Variants in TNNI3K observed in about 807,000 individuals in gnomAD.
TNNI3K encodes the protein TNNI3 interacting kinase.
In TNNI3K, 140 loss-of-function variants were observed where a neutral mutation model predicts 114.5. The ratio of observed to expected loss-of-function variants is 1.22; its 90% CI spans 1.07 to 1.41. The LOEUF (loss-of-function observed/expected upper bound fraction) is 1.41, where lower values mean the gene tolerates loss of function less well. Ranked by LOEUF, TNNI3K falls within the 40% of genes most tolerant of loss-of-function variation. TNNI3K has a pLI of 0.00. For synonymous variants in TNNI3K, 347 were observed against 347.5 expected (o/e 1.00, Z 0.02); for missense variants, 1,125 against 1,007.6 (o/e 1.12, Z -1.58).
chr1:74,302,275 G>C (rs886999121), intron 5 of TNNI3K, among the ~76,000 whole-genome samples: 9 of 152,160 alleles, frequency 5.9e-5, no homozygotes, highest in Non-Finnish European at 1.3e-4. Context: ...CCACTGACAG[G>C]CCATTTTCCC....
intron 23 of TNNI3K, among the ~76,000 whole-genome samples, chr1:74,532,623 C>A (rs1245792850): frequency 1.3e-5 from 2 of 151,780 alleles, no homozygotes; most frequent in South Asian, 4.2e-4. Flanking sequence ...TATCCCTCCC[C>A]CCTCGCCCCA....
chr1:74,278,019 T>G (rs1656785844), intron 5 of TNNI3K, among the ~76,000 whole-genome samples: 1 of 152,220 alleles, frequency 6.6e-6, no homozygotes, highest in African/African-American at 2.4e-5. Context: ...CAGTAGAGAA[T>G]TTTGTTTACC....
At chr1:74,524,012 C>T (rs918475914) in intron 23 of TNNI3K, among the ~76,000 whole-genome samples, 1 of 151,802 alleles carries the variant, frequency 6.6e-6, no homozygotes, top group Non-Finnish European at 1.5e-5. Flanking sequence ...AGCCACAATT[C>T]CAAAGGCATG....
intron 17 of TNNI3K, among the ~76,000 whole-genome samples, chr1:74,386,601 C>A (rs1663492362): frequency 6.6e-6 from 1 of 152,072 alleles, no homozygotes; most frequent in Non-Finnish European, 1.5e-5. Context: ...TAAAATCAGA[C>A]TTCTTCAAAA....
At chr1:74,512,475 T>C (rs997156556) in intron 23 of TNNI3K, 14 of 152,160 alleles carry the variant, frequency 9.2e-5, no homozygotes, top group African/African-American at 3.1e-4. Context: ...AATAAAGGTG[T>C]AAAAATCCAG....
At chr1:74,431,833 A>T (rs1408036551) in intron 17 of TNNI3K, among the ~76,000 whole-genome samples, 1 of 152,162 alleles carries the variant, frequency 6.6e-6, no homozygotes, top group Non-Finnish European at 1.5e-5. Context: ...GACGCAACAA[A>T]ATTGCAAGTT....
chr1:74,514,291 A>G (rs12036473), intron 23 of TNNI3K, among the ~76,000 whole-genome samples: 1 of 152,026 alleles, frequency 6.6e-6, no homozygotes, highest in Non-Finnish European at 1.5e-5. Flanking sequence ...AATTCTATGT[A>G]TTTGTCAGAG....
At chr1:74,338,109 C>G (rs1015754877) in intron 7 of TNNI3K, among the ~76,000 whole-genome samples, 4 of 151,860 alleles carry the variant, frequency 2.6e-5, no homozygotes, top group African/African-American at 9.7e-5. Context: ...GGTAATAATG[C>G]ATATGTTTAA....
chr1:74,475,830 C>G, intron 21 of TNNI3K: 2 of 547,640 alleles, frequency 3.7e-6, no homozygotes, highest in Non-Finnish European at 6.6e-6. Context: ...ATAGAGAGAC[C>G]ATTAAAAGAT....
intron 5 of TNNI3K, among the ~76,000 whole-genome samples, chr1:74,312,560 A>G (rs765213059): frequency 1.3e-5 from 2 of 152,240 alleles, no homozygotes; most frequent in African/African-American, 2.4e-5. Flanking sequence ...GTATATTTTT[A>G]ATCAAAATAA....
At chr1:74,285,369 T>C (rs1403390501) in intron 5 of TNNI3K, among the ~76,000 whole-genome samples, 1 of 152,194 alleles carries the variant, frequency 6.6e-6, no homozygotes, top group African/African-American at 2.4e-5. Flanking sequence ...TAAATTAAAT[T>C]AACTGCTACC....
chr1:74,334,259 T>G (rs991100556), intron 6 of TNNI3K, among the ~76,000 whole-genome samples: 5 of 152,206 alleles, frequency 3.3e-5, no homozygotes, highest in Non-Finnish European at 7.3e-5. Flanking sequence ...AGGAACTCAG[T>G]TCCCCACATC....
At chr1:74,368,649 G>A (rs1463787019) in intron 13 of TNNI3K, among the ~76,000 whole-genome samples, 1 of 151,942 alleles carries the variant, frequency 6.6e-6, no homozygotes, top group African/African-American at 2.4e-5. Flanking sequence ...GCCATGTCAT[G>A]CAGGAATAGA....
intron 5 of TNNI3K, among the ~76,000 whole-genome samples, chr1:74,316,084 A>G (rs1432965102): frequency 6.6e-6 from 1 of 152,226 alleles, no homozygotes; most frequent in African/African-American, 2.4e-5. Context: ...CCAAGCAACT[A>G]ATAGGTTCCA....
chr1:74,425,002 T>G (rs1198864577), intron 17 of TNNI3K, among the ~76,000 whole-genome samples: 1 of 152,066 alleles, frequency 6.6e-6, no homozygotes, highest in African/African-American at 2.4e-5. Flanking sequence ...TTATAACCAT[T>G]TAGTCTCAAT....
At chr1:74,310,441 T>C (rs1168252048) in intron 5 of TNNI3K, among the ~76,000 whole-genome samples, 1 of 152,140 alleles carries the variant, frequency 6.6e-6, no homozygotes, top group East Asian at 1.9e-4. Context: ...ATTACCAATG[T>C]CATTTTTCAC....
intron 4 of TNNI3K, among the ~76,000 whole-genome samples, chr1:74,251,405 TAAC>T (rs35003330): frequency 0.67 from 101,326 of 151,254 alleles, 34,672 homozygotes; most frequent in East Asian, 0.82. Context: ...ATAATTATAA[TAAC>T]AATTTCTACT....
intron 9 of TNNI3K, among the ~76,000 whole-genome samples, chr1:74,350,864 G>T (rs1386201015): frequency 2.0e-5 from 3 of 151,916 alleles, no homozygotes; most frequent in Non-Finnish European, 4.4e-5. Context: ...GTGTGTCTCT[G>T]CACGTGAGAT....
chr1:74,380,803 G>A (rs764896422), intron 17 of TNNI3K, among the ~76,000 whole-genome samples: 11 of 152,044 alleles, frequency 7.2e-5, no homozygotes, highest in East Asian at 1.9e-4. Flanking sequence ...TAATGCTGCC[G>A]TGTGGTAATC....
Sources: allele counts gnomAD v4.1 joint callset (sites outside exome capture counted in the v4.1 genomes callset), GRCh38; gene constraint gnomAD v4.1.1; transcripts MANE v1.5; gene names NCBI Gene and HGNC (gene_info 2026-07-23, HGNC 2026-07-21).